HUWE1: variants seen among roughly 807,000 people sequenced by gnomAD.
The protein encoded by HUWE1 is HECT, UBA and WWE domain containing E3 ubiquitin protein ligase 1.
In HUWE1, 18 loss-of-function variants were observed where a neutral mutation model predicts 299.4. That is an observed-to-expected ratio of 0.06 (90% CI 0.04 to 0.09). The LOEUF (loss-of-function observed/expected upper bound fraction) is 0.09. Ranked by LOEUF, HUWE1 falls within the 10% of genes least tolerant of loss-of-function variation. The pLI is 1.00. For missense variants in HUWE1, 1,832 were observed against 3,462.3 expected (o/e 0.53, Z 11.82); for synonymous variants, 1,317 against 1,286.1 (o/e 1.02, Z -0.51).
At chrX:53,662,061 G>GA (rs1557045759) in intron 3 of HUWE1, among the ~76,000 whole-genome samples, 1 of 111,974 alleles carries the variant, frequency 8.9e-6, no homozygotes, top group Non-Finnish European at 1.9e-5. Flanking sequence ...TGGATGTAGT[G>GA]AAAGACTAGC....
intron 3 of HUWE1, among the ~76,000 whole-genome samples, chrX:53,664,388 G>C (rs2069150585): frequency 8.9e-6 from 1 of 111,890 alleles, no homozygotes; most frequent in Non-Finnish European, 1.9e-5. Context: ...ACTGGCCCCT[G>C]AGCCAAAGGA....
intron 50 of HUWE1, 53 bp from the exon 51 acceptor site, chrX:53,564,775 C>G: frequency 8.4e-7 from 1 of 1,195,295 alleles, no homozygotes; most frequent in East Asian, 3.0e-5. Flanking sequence ...ATGTGCTGGG[C>G]ACCATGAGGC....
chrX:53,668,599 A>T (rs1335030470), intron 3 of HUWE1, among the ~76,000 whole-genome samples: 1 of 111,620 alleles, frequency 9.0e-6, no homozygotes, highest in Non-Finnish European at 1.9e-5. Flanking sequence ...GTTGCCATAC[A>T]TCTCTGAGTC....
chrX:53,653,397 A>G (rs1756789743), intron 4 of HUWE1, among the ~76,000 whole-genome samples: 1 of 111,705 alleles, frequency 9.0e-6, no homozygotes. Context: ...AAAGTCTGGT[A>G]AGATTCAAAC....
chrX:53,638,399 C>G (rs782095599), intron 7 of HUWE1, among the ~76,000 whole-genome samples: 1 of 111,971 alleles, frequency 8.9e-6, no homozygotes, highest in Non-Finnish European at 1.9e-5. Flanking sequence ...CAGTATTCAC[C>G]TATCTGGTAG....
chrX:53,536,274 G>C (rs372891869), intron 79 of HUWE1, 22 bp from the exon 80 acceptor site: 154 of 1,152,389 alleles, frequency 1.3e-4, no homozygotes, highest in Admixed American at 7.0e-4. Context: ...CAATTATACA[G>C]GGTCATGGTT....
At chrX:53,618,604 G>C (rs1433783880) in intron 19 of HUWE1, among the ~76,000 whole-genome samples, 1 of 99,964 alleles carries the variant, frequency 1.0e-5, no homozygotes, top group Non-Finnish European at 2.0e-5. Flanking sequence ...TCACTCTGTC[G>C]CCCAGGCTGG....
chrX:53,598,925 C>T (rs1399596258), intron 29 of HUWE1, among the ~76,000 whole-genome samples: 1 of 112,461 alleles, frequency 8.9e-6, no homozygotes, highest in African/African-American at 3.2e-5. Context: ...GAAAACAGTC[C>T]TTTCTTCTTC....
Position 53,613,483 on chromosome X carries a change from T to C in HUWE1, c.2261+1051A>G, listed in dbSNP as rs113698613. On this transcript the variant is annotated intron_variant, in intron 23 of 83. Transcript: ENST00000262854. ...ACACACTAAAAGACCACTTATTATATGAGGGAGTGCAGGACTGTCCAGAAA... is the reference window on the plus strand; with the variant it reads ...ACACACTAAAAGACCACTTATTATACGAGGGAGTGCAGGACTGTCCAGAAA... Among the ~76,000 whole-genome samples the C allele has an allele frequency of 4.5e-3, 507 of 111,733 alleles. 2 individuals are homozygous for C. Among genetic ancestry groups the C allele is most frequent in the African/African-American group, 0.016 (484 of 30,721 alleles).
intron 7 of HUWE1, among the ~76,000 whole-genome samples, chrX:53,636,180 G>A (rs373662298): frequency 1.8e-5 from 2 of 112,324 alleles, no homozygotes; most frequent in African/African-American, 6.5e-5. Context: ...CCTGGACACA[G>A]ATATGTATAT....
At chrX:53,577,845 G>A (rs1421744946) in intron 43 of HUWE1, among the ~76,000 whole-genome samples, 1,204 of 98,978 alleles carry the variant, frequency 0.012, no homozygotes, top group African/African-American at 0.026. Context: ...CCAGGCTGGA[G>A]TGCAGTGGCG....
In HUWE1 at chrX:53,595,385, C is replaced by T; in HGVS notation, c.3182G>A (p.Arg1061Gln). 8.3e-7 allele frequency: 1 copy of T among 1,208,106 alleles called. No individual in the cohort carries two copies. The highest frequency in any genetic ancestry group is 1.1e-6 in the Non-Finnish European group (1 of 892,851). The change falls in exon 30 of 84, where the codon CGA (arginine) becomes CAA (glutamine). Residue 1061 changes from arginine to glutamine, a missense_variant. Arg to Gln is a conservative substitution (Grantham distance 43, BLOSUM62 1). Coordinates refer to ENST00000262854, the MANE Select transcript of HUWE1 (RefSeq NM_031407.7). ...PLLSASSRLG[R>Q]ALAELFGLLV... ...AAGTCCAAATAGCTCAGCAAGTGCT[C>T]GGCCTAATCTGGAGGAAGCTGAAAC...
chrX:53,626,095 TTTTG>T (rs1413587593), intron 17 of HUWE1: 1 of 346,706 alleles, frequency 2.9e-6, no homozygotes, highest in Admixed American at 3.3e-5. Context: ...AAAAGAAAAA[TTTTG>T]TTTGAGAAAA....
chrX:53,663,278 C>G (rs1032022367), intron 3 of HUWE1, among the ~76,000 whole-genome samples: 1 of 112,045 alleles, frequency 8.9e-6, no homozygotes, highest in Non-Finnish European at 1.9e-5. Context: ...TCTGGGAGGC[C>G]GAGGCGGGTG....
intron 12 of HUWE1, among the ~76,000 whole-genome samples, chrX:53,630,673 T>TAA (rs11317885): frequency 8.2e-5 from 8 of 97,764 alleles, no homozygotes; most frequent in Non-Finnish European, 1.5e-4. Context: ...GCATATCTAT[T>TAA]AAAAAAAAAA....
intron 3 of HUWE1, 55 bp from the exon 4 acceptor site, chrX:53,654,186 C>A: frequency 1.3e-6 from 1 of 741,123 alleles, no homozygotes; most frequent in South Asian, 2.3e-5. Context: ...ATCTTGAGCT[C>A]TACAAGCTTG....
At chrX:53,677,958 T>G (rs1348690312) in intron 3 of HUWE1, among the ~76,000 whole-genome samples, 1 of 112,142 alleles carries the variant, frequency 8.9e-6, no homozygotes, top group Non-Finnish European at 1.9e-5. Flanking sequence ...GAAAAACTGC[T>G]GTCTTTCAAT....
rs781879793 is a variant in HUWE1 at position 53,534,688 on chromosome X, C to T, written c.12659G>A (p.Arg4220His). 14 of 1,210,298 alleles carry T rather than the reference C, an allele frequency of 1.2e-5. No individual in the cohort carries two copies. Among genetic ancestry groups the T allele is most frequent in the Admixed American group, 4.4e-5 (2 of 45,928 alleles). ...VCQMRMTGAI[R>H]KQLAAFLEGF... is the part of the protein sequence containing the mutation. ...TTCTAAGAAAGCCGCCAACTGCTTG[C>T]GGATGGCTCCTGGTGAGATAACCAA... The change falls in exon 82 of 84, where the codon CGC becomes CAC. Residue 4220 changes from arginine (R) to histidine (H), a missense_variant. Transcript: ENST00000262854.
chrX:53,533,200 GATTTC>G lies in HUWE1; in HGVS notation c.*104_*108del, dbSNP rs2060845714. 1.9e-6 allele frequency: 1 copy of G among 530,562 alleles called. No individual in the cohort carries two copies. Among genetic ancestry groups the G allele is most frequent in the Non-Finnish European group, 3.4e-6 (1 of 298,475 alleles). 43.7% of individuals were successfully genotyped at this position (530,562 alleles called of 1,213,427 possible). ...CTGGGACACACACGGTGAGTTGGTGGATTTCATTTATTGGTTTTTGACAATTTCTT... is the reference window on the plus strand; with the variant it reads ...CTGGGACACACACGGTGAGTTGGTGGATTTATTGGTTTTTGACAATTTCTT... On this transcript the variant is annotated 3_prime_UTR_variant, in exon 84 of 84. Coordinates refer to ENST00000262854, the MANE Select transcript of HUWE1 (RefSeq NM_031407.7).
Sources: allele counts gnomAD v4.1 joint callset (sites outside exome capture counted in the v4.1 genomes callset), GRCh38; gene constraint gnomAD v4.1.1; transcripts MANE v1.5; gene names NCBI Gene and HGNC (gene_info 2026-07-23, HGNC 2026-07-21).